CGNL1: variants seen among roughly 807,000 people sequenced by gnomAD.
CGNL1 encodes the protein cingulin-like protein 1.
A neutral mutation model predicts 141.2 loss-of-function variants in CGNL1; 132 were observed. The observed-to-expected ratio is 0.93, with a 90% CI of 0.81 to 1.08. The LOEUF is 1.08. CGNL1 is among the 50% of genes least tolerant of loss of function. The pLI, the probability that CGNL1 is intolerant of heterozygous loss-of-function variation, is 0.00. For missense variants in CGNL1, 1,870 were observed against 1,588.6 expected (o/e 1.18, Z -3.01); for synonymous variants, 690 against 622.1 (o/e 1.11, Z -1.63).
At chr15:57,408,829 C>T (rs1027230468) in intron 1 of CGNL1, among the ~76,000 whole-genome samples, 10 of 152,068 alleles carry the variant, frequency 6.6e-5, no homozygotes, top group Non-Finnish European at 1.5e-4. Flanking sequence ...CACTTGAGGT[C>T]AGGAGTTTGA....
intron 8 of CGNL1, among the ~76,000 whole-genome samples, chr15:57,477,141 G>C (rs972319374): frequency 1.3e-5 from 2 of 151,622 alleles, no homozygotes; most frequent in African/African-American, 4.9e-5. Flanking sequence ...GAAATAAAAG[G>C]CTGGACGTGC....
At position 57,547,574 on chromosome 15, in the gene CGNL1, G is replaced by A. The variant is rs1437714104; in HGVS notation, c.*84G>A. ...GTGGGAGGCAGGGAGGGGAGCATCT[G>A]TCTGCCACTGAGACCAATCACAGCC... On this transcript the variant is annotated 3_prime_UTR_variant, in exon 19 of 19. Transcript: ENST00000281282. 2 of 1,489,122 alleles carry A rather than the reference G, an allele frequency of 1.3e-6. No individual in the cohort carries two copies. The highest frequency in any genetic ancestry group is 2.3e-5 in the East Asian group (1 of 44,000). The allele number at this position is 1,489,122 out of a possible 1,614,324, so 92.2% of individuals were successfully genotyped here. A position where few individuals can be genotyped will look rare whatever the true frequency, so the allele number is the denominator to read the frequency against.
chr15:57,526,691 A>T (rs375346803), intron 12 of CGNL1, among the ~76,000 whole-genome samples: 1 of 152,284 alleles, frequency 6.6e-6, no homozygotes, highest in East Asian at 1.9e-4. Context: ...AGCACTAGGA[A>T]GTTCAAAAGT....
chr15:57,410,762 C>G (rs2062777669), intron 1 of CGNL1, among the ~76,000 whole-genome samples: 1 of 152,146 alleles, frequency 6.6e-6, no homozygotes, highest in African/African-American at 2.4e-5. Flanking sequence ...ATGAGGAGTG[C>G]CCTTCAAATC....
chr15:57,526,558 A>T (rs1362869966), intron 12 of CGNL1, among the ~76,000 whole-genome samples: 7 of 152,182 alleles, frequency 4.6e-5, no homozygotes, highest in East Asian at 3.9e-4. Flanking sequence ...AGAAATAGGC[A>T]TTTTTCACCC....
intron 8 of CGNL1, among the ~76,000 whole-genome samples, chr15:57,515,260 C>G (rs147710752): frequency 6.6e-6 from 1 of 152,368 alleles, no homozygotes; most frequent in African/African-American, 2.4e-5. Flanking sequence ...TTCATTCTAA[C>G]TCAGTTGCTT....
chr15:57,469,776 T>C (rs2063556657), intron 8 of CGNL1, among the ~76,000 whole-genome samples: 1 of 152,206 alleles, frequency 6.6e-6, no homozygotes, highest in Admixed American at 6.5e-5. Flanking sequence ...TTTGGAAATG[T>C]CACTGAGTCT....
At chr15:57,484,014 T>C (rs1339160349) in intron 8 of CGNL1, among the ~76,000 whole-genome samples, 6 of 152,218 alleles carry the variant, frequency 3.9e-5, no homozygotes, top group African/African-American at 1.4e-4. Context: ...TTAAGGATTC[T>C]TGTGTCTATA....
chr15:57,426,433 C>A (rs1439244173), intron 1 of CGNL1, among the ~76,000 whole-genome samples: 3 of 145,860 alleles, frequency 2.1e-5, no homozygotes, highest in African/African-American at 5.1e-5. Context: ...GCATGAGCCA[C>A]CACACCAGGC....
intron 8 of CGNL1, among the ~76,000 whole-genome samples, chr15:57,513,573 T>C (rs1219462874): frequency 6.6e-6 from 1 of 152,046 alleles, no homozygotes; most frequent in Non-Finnish European, 1.5e-5. Flanking sequence ...CAGCCTGGAG[T>C]GCAATGGTGT....
intron 8 of CGNL1, among the ~76,000 whole-genome samples, chr15:57,516,158 CAAAAAAAAA>C (rs10559176): frequency 4.1e-5 from 3 of 73,274 alleles, no homozygotes; most frequent in Admixed American, 1.6e-4. Context: ...GACTCTGTCT[CAAAAAAAAA>C]AAAAAAAAAA....
intron 15 of CGNL1, among the ~76,000 whole-genome samples, chr15:57,544,021 C>G (rs1203086860): frequency 6.6e-6 from 1 of 152,128 alleles, no homozygotes; most frequent in East Asian, 1.9e-4. Context: ...GGGCTAAATT[C>G]TAATGTAAAG....
intron 8 of CGNL1, among the ~76,000 whole-genome samples, chr15:57,479,049 A>G (rs1173056986): frequency 4.6e-5 from 7 of 152,168 alleles, no homozygotes; most frequent in African/African-American, 1.2e-4. Context: ...GCAGAAGCCC[A>G]CTTGCCACTC....
intron 1 of CGNL1, among the ~76,000 whole-genome samples, chr15:57,428,558 G>A (rs1324798858): frequency 2.0e-5 from 3 of 152,194 alleles, no homozygotes; most frequent in Admixed American, 1.3e-4. Flanking sequence ...CAGAGAAGCC[G>A]TGGCTGGAGA....
chr15:57,430,322 G>A (rs554588129), intron 1 of CGNL1, among the ~76,000 whole-genome samples: 3 of 152,176 alleles, frequency 2.0e-5, no homozygotes, highest in East Asian at 1.9e-4. Flanking sequence ...TTAAACTTTC[G>A]TAGCTTAGCT....
At chr15:57,459,386 A>G (rs2063418518) in intron 7 of CGNL1, among the ~76,000 whole-genome samples, 1 of 152,242 alleles carries the variant, frequency 6.6e-6, no homozygotes, top group African/African-American at 2.4e-5. Flanking sequence ...ATTAAAATAT[A>G]TAGAATGTAA....
intron 10 of CGNL1, among the ~76,000 whole-genome samples, chr15:57,520,475 T>C (rs2031176959): frequency 6.6e-6 from 1 of 152,192 alleles, no homozygotes; most frequent in South Asian, 2.1e-4. Context: ...AATTTATGTC[T>C]GATTTACCAT....
Position 57,541,353 on chromosome 15 carries a change from G to A in CGNL1, c.3292-2343G>A, listed in dbSNP as rs866901346. Among the ~76,000 whole-genome samples, 7 of 152,388 alleles carry A rather than the reference G, an allele frequency of 4.6e-5. No homozygotes were observed. The Middle Eastern group carries it at 0.01, about 222-fold the overall frequency. The stretch of plus-strand genomic sequence containing the variant: ...CTGTCCTCAGTCCCGTGGCCCAGCT[G>A]TTCTGCTGACCTCCATGTGTGAGGT... On this transcript the variant is annotated intron_variant, in intron 14 of 18. Coordinates refer to ENST00000281282, the MANE Select transcript of CGNL1 (RefSeq NM_032866.5).
At chr15:57,468,512 G>A (rs1342474894) in intron 8 of CGNL1, among the ~76,000 whole-genome samples, 3 of 151,976 alleles carry the variant, frequency 2.0e-5, no homozygotes, top group Non-Finnish European at 2.9e-5. Flanking sequence ...GGTTATAGGT[G>A]TGACCCACTG....
Sources: gnomAD v4.1 joint callset for allele counts (sites outside exome capture counted in the v4.1 genomes callset) on GRCh38, gnomAD v4.1.1 for gene constraint, MANE v1.5 for transcripts, NCBI Gene and HGNC (gene_info 2026-07-23, HGNC 2026-07-21) for gene names.